NRXN3: variants seen among roughly 807,000 people sequenced by gnomAD.
NRXN3 encodes neurexin III.
Under a neutral mutation model 137.6 loss-of-function variants are expected in NRXN3, and 32 were observed. The observed-to-expected ratio is 0.23, with a 90% CI of 0.18 to 0.31. NRXN3 has a LOEUF of 0.31. Ranked by LOEUF, NRXN3 falls within the 10% of genes least tolerant of loss-of-function variation. NRXN3 has a pLI of 1.00. For synonymous variants in NRXN3, 798 were observed against 784.5 expected, an observed-to-expected ratio of 1.02 and a Z score of -0.29; for missense variants, 1,574 against 2,062.5, an observed-to-expected ratio of 0.76 and a Z score of 4.59.
At chr14:79,172,478 GAAGGA>G (rs1047589419) in intron 15 of NRXN3, among the ~76,000 whole-genome samples, 18 of 152,126 alleles carry the variant, frequency 1.2e-4, no homozygotes, top group African/African-American at 4.1e-4. Context: ...AGGAAGGAAG[GAAGGA>G]AAGGTCTTTG....
chr14:79,428,155 C>T (rs990160068), intron 15 of NRXN3, among the ~76,000 whole-genome samples: 2 of 152,146 alleles, frequency 1.3e-5, no homozygotes, highest in Non-Finnish European at 2.9e-5. Context: ...TTCATTCGCT[C>T]CTTCATGCCC....
At chr14:78,544,736 T>A (rs68131938) in intron 4 of NRXN3, among the ~76,000 whole-genome samples, 54,797 of 152,076 alleles carry the variant, frequency 0.36, 10,282 homozygotes, top group Admixed American at 0.41. Flanking sequence ...GAAAAATAGT[T>A]CAGAGAAGGA....
At chr14:79,469,438 C>G (rs2096470616) in intron 16 of NRXN3, among the ~76,000 whole-genome samples, 1 of 152,156 alleles carries the variant, frequency 6.6e-6, no homozygotes, top group Non-Finnish European at 1.5e-5. Context: ...AGTGAATACT[C>G]TAAACATACT....
chr14:78,344,399 A>G (rs1010143052), intron 4 of NRXN3, among the ~76,000 whole-genome samples: 2 of 152,206 alleles, frequency 1.3e-5, no homozygotes, highest in Non-Finnish European at 2.9e-5. Context: ...CTCACATGAC[A>G]ACATTTCCTA....
At chr14:78,294,216 C>A (rs2076082427) in intron 3 of NRXN3, among the ~76,000 whole-genome samples, 1 of 152,172 alleles carries the variant, frequency 6.6e-6, no homozygotes, top group Non-Finnish European at 1.5e-5. Flanking sequence ...CATGTCAGTA[C>A]ATTTCCATAG....
intron 15 of NRXN3, among the ~76,000 whole-genome samples, chr14:79,077,945 T>G (rs1480073300): frequency 1.3e-5 from 2 of 152,180 alleles, no homozygotes; most frequent in Admixed American, 6.5e-5. Context: ...TTTCAGTTGT[T>G]TTATAGACAA....
chr14:79,278,674 A>G (rs1347325384), intron 15 of NRXN3, among the ~76,000 whole-genome samples: 2 of 152,194 alleles, frequency 1.3e-5, no homozygotes, highest in South Asian at 4.1e-4. Context: ...TTGAATCCCA[A>G]CAGTGTCCTA....
At chr14:79,063,677 A>G (rs2152678004) in intron 15 of NRXN3, among the ~76,000 whole-genome samples, 1 of 152,334 alleles carries the variant, frequency 6.6e-6, no homozygotes, top group East Asian at 1.9e-4. Context: ...ATGTGCCATG[A>G]ACAAAGTTAT....
chr14:78,592,592 T>C (rs2152408255), intron 4 of NRXN3, among the ~76,000 whole-genome samples: 1 of 152,328 alleles, frequency 6.6e-6, no homozygotes, highest in East Asian at 1.9e-4. Flanking sequence ...TGTCTAAGGA[T>C]GACAACAGGA....
At chr14:79,018,538 A>G (rs1053601939) in intron 15 of NRXN3, among the ~76,000 whole-genome samples, 3 of 152,008 alleles carry the variant, frequency 2.0e-5, no homozygotes, top group African/African-American at 4.8e-5. Context: ...TTTTATTCTC[A>G]TCTGTTTTAT....
intron 15 of NRXN3, among the ~76,000 whole-genome samples, chr14:79,236,510 A>G (rs1403759378): frequency 6.6e-6 from 1 of 152,140 alleles, no homozygotes; most frequent in African/African-American, 2.4e-5. Context: ...TTCTATCAGC[A>G]TAGGTGATAG....
chr14:78,260,035 C>T (rs767921484), intron 2 of NRXN3, among the ~76,000 whole-genome samples: 4 of 152,158 alleles, frequency 2.6e-5, no homozygotes, highest in East Asian at 1.9e-4. Context: ...CGCTGAAACT[C>T]GGGAATGTTA....
At chr14:79,674,537 C>A (rs930887584) in intron 17 of NRXN3, among the ~76,000 whole-genome samples, 1 of 152,022 alleles carries the variant, frequency 6.6e-6, no homozygotes, top group Admixed American at 6.6e-5. Context: ...TGAGATTCCA[C>A]ACAGATATGT....
intron 15 of NRXN3, among the ~76,000 whole-genome samples, chr14:79,463,011 T>A (rs1037094620): frequency 1.3e-5 from 2 of 152,120 alleles, no homozygotes; most frequent in Non-Finnish European, 2.9e-5. Context: ...ATATGCTATT[T>A]GGCTATAAGA....
intron 15 of NRXN3, among the ~76,000 whole-genome samples, chr14:79,426,566 G>A (rs1032688287): frequency 2.6e-5 from 4 of 152,214 alleles, no homozygotes; most frequent in Admixed American, 1.3e-4. Context: ...CTCAAAGTCT[G>A]TTTACAGCCA....
intron 15 of NRXN3, among the ~76,000 whole-genome samples, chr14:79,419,425 A>C (rs771493699): frequency 2.0e-5 from 3 of 152,188 alleles, no homozygotes; most frequent in Non-Finnish European, 2.9e-5. Context: ...ATTCCACTGA[A>C]ATAATGTTTC....
intron 4 of NRXN3, among the ~76,000 whole-genome samples, chr14:78,410,257 C>T (rs2092742368): frequency 1.3e-5 from 2 of 152,194 alleles, no homozygotes; most frequent in Admixed American, 1.3e-4. Flanking sequence ...TCAGTTTACG[C>T]TGGAGAATGG....
chr14:78,753,735 T>C (rs929921), intron 8 of NRXN3: 50,454 of 152,040 alleles, frequency 0.33, 11,235 homozygotes, highest in African/African-American at 0.64. Context: ...CAGGTTGAAA[T>C]TGGCAGAGCT....
chr14:79,486,123 G>A (rs1210812464), intron 16 of NRXN3, among the ~76,000 whole-genome samples: 1 of 152,060 alleles, frequency 6.6e-6, no homozygotes, highest in East Asian at 1.9e-4. Context: ...AAATTGCTAC[G>A]TAAACCATCT....
Sources: gnomAD v4.1 joint callset for allele counts (sites outside exome capture counted in the v4.1 genomes callset) on GRCh38, gnomAD v4.1.1 for gene constraint, MANE v1.5 for transcripts, NCBI Gene and HGNC (gene_info 2026-07-23, HGNC 2026-07-21) for gene names.